The following TJP2 variants were observed in gnomAD, a reference collection of about 807,000 sequenced individuals.
TJP2 encodes Friedreich ataxia region gene X104 (tight junction protein ZO-2).
Under a neutral mutation model 133.1 loss-of-function variants are expected in TJP2, and 91 were observed. That is an observed-to-expected ratio of 0.68 (90% confidence interval 0.58 to 0.81). TJP2 has a LOEUF of 0.81. Ranked by LOEUF, TJP2 falls within the 40% of genes least tolerant of loss-of-function variation. TJP2 has a pLI of 0.00. For synonymous variants in TJP2, 592 were observed against 583.4 expected, an observed-to-expected ratio of 1.01 and a Z score of -0.21; for missense variants, 1,541 against 1,565.6, an observed-to-expected ratio of 0.98 and a Z score of 0.26.
chr9:69,243,078 G>T (rs761760534), intron 17 of TJP2, among the ~76,000 whole-genome samples: 40 of 152,018 alleles, frequency 2.6e-4, no homozygotes, highest in Non-Finnish European at 5.0e-4. Flanking sequence ...TGCCCAAGCT[G>T]GTCTCAAACC....
intron 1 of TJP2, among the ~76,000 whole-genome samples, chr9:69,208,709 A>G (rs2133180828): frequency 6.6e-6 from 1 of 152,304 alleles, no homozygotes; most frequent in Non-Finnish European, 1.5e-5. Context: ...GGGATATTCA[A>G]CATTTTTTTG....
chr9:69,205,118 C>T (rs1827293041), intron 1 of TJP2: 5 of 1,536,262 alleles, frequency 3.3e-6, no homozygotes, highest in African/African-American at 1.4e-5. Context: ...GGGTGAGCAG[C>T]CCGGAATGTA....
intron 1 of TJP2, among the ~76,000 whole-genome samples, chr9:69,129,407 AGGCTGAGGT>A (rs1822390196): frequency 6.6e-6 from 1 of 151,882 alleles, no homozygotes; most frequent in South Asian, 2.1e-4. Flanking sequence ...GCTACTCAGG[AGGCTGAGGT>A]GGGAGAATCC....
chr9:69,186,957 T>C (rs1028744552), intron 1 of TJP2, among the ~76,000 whole-genome samples: 1 of 152,210 alleles, frequency 6.6e-6, no homozygotes, highest in Non-Finnish European at 1.5e-5. Context: ...TAAATTTCTC[T>C]GTGGGCGTTT....
intron 1 of TJP2, among the ~76,000 whole-genome samples, chr9:69,139,328 G>C (rs976165440): frequency 6.6e-6 from 1 of 152,204 alleles, no homozygotes; most frequent in African/African-American, 2.4e-5. Context: ...CAGTTCCTCA[G>C]AATGTGCCTT....
chr9:69,251,394 T>G, intron 21 of TJP2, 30 bp downstream of exon 21: 3 of 1,598,398 alleles, frequency 1.9e-6, no homozygotes, highest in Admixed American at 3.3e-5. Context: ...ACATCATCAA[T>G]AAGAGTTTTA....
intron 16 of TJP2, 76 bp from the exon 17 acceptor site, chr9:69,239,861 A>C: frequency 8.6e-7 from 1 of 1,164,074 alleles, no homozygotes; most frequent in South Asian, 1.3e-5. Context: ...TACAGCCTTT[A>C]CTTATTAAAA....
At chr9:69,134,692 T>C (rs1822648217) in intron 1 of TJP2, among the ~76,000 whole-genome samples, 1 of 152,202 alleles carries the variant, frequency 6.6e-6, no homozygotes, top group Non-Finnish European at 1.5e-5. Flanking sequence ...GAAAGACCTG[T>C]CTGAGCTGGG....
chr9:69,216,417 G>A lies in TJP2; in HGVS notation c.193G>A (p.Val65Ile). Residue 65 changes from valine (V) to isoleucine (I), a missense_variant, in exon 3 of 23, where the codon GTC (valine) becomes ATC (isoleucine). Physicochemically the swap from Val to Ile is conservative, Grantham distance 29. Transcript: ENST00000377245. Reference protein sequence around the residue: ...PHFENGETSIVISDVLPGGPA... With the variant: ...PHFENGETSIIISDVLPGGPA... ...CTTTGAAAATGGAGAAACGTCAATT[G>A]TCATTTCTGATGTGCTCCCGGGTGG... 1 of 1,614,208 alleles carries A rather than the reference G, an allele frequency of 6.2e-7. No individual in the cohort carries two copies. The highest frequency in any genetic ancestry group is 8.5e-7 in the Non-Finnish European group (1 of 1,180,034).
In TJP2 at chr9:69,240,074, G is replaced by A. The variant is rs944668173; in HGVS notation, c.2493G>A (p.Thr831=). 42 of 1,613,808 alleles carry A rather than the reference G, an allele frequency of 2.6e-5. No homozygotes were observed. Among genetic ancestry groups the A allele is most frequent in the Admixed American group, 5.0e-5 (3 of 59,974 alleles). The change falls in exon 17 of 23, where the codon ACG becomes ACA. Residue 831 remains threonine, a synonymous_variant. Coordinates refer to ENST00000377245, the MANE Select transcript of TJP2 (RefSeq NM_004817.4). ...CCATGAGACAAAGGTTAAATCCAAC[G>A]TCCAACAAAAGTTCTCGAAAGTTAT... is the stretch of plus-strand genomic sequence containing the variant. ...VKTMRQRLNP[T]SNKSSRKLFD...
chr9:69,169,136 G>T (rs1392359707), intron 2 of TJP2, among the ~76,000 whole-genome samples: 1 of 152,118 alleles, frequency 6.6e-6, no homozygotes, highest in African/African-American at 2.4e-5. Context: ...CTCTGTAGTT[G>T]AGCAATTCTC....
rs1366218768 is a variant in TJP2 at position 69,229,241 on chromosome 9, C to T, written c.1511C>T (p.Ala504Val). 3 of 1,613,966 alleles carry T rather than the reference C, an allele frequency of 1.9e-6. No homozygotes were observed. The highest frequency in any genetic ancestry group is 2.5e-6 in the Non-Finnish European group (3 of 1,179,872). ...CTTCGTCCTAGTCCTGAAGATGAAG[C>T]AATATATGGGTATGTATTTCCGTCT... Reference protein sequence around the residue: ...TFLRPSPEDEAIYGPNTKMVR... With the variant: ...TFLRPSPEDEVIYGPNTKMVR... Residue 504 changes from alanine (A) to valine (V), a missense_variant, in exon 10 of 23, where the codon GCA (alanine) becomes GTA (valine). Coordinates refer to ENST00000377245, the MANE Select transcript of TJP2 (RefSeq NM_004817.4).
rs1824000589 is a variant in TJP2, at chr9:69,160,283, A to G, written c.-10+8512A>G. On this transcript the variant is annotated intron_variant, in intron 2 of 5. Coordinates refer to the TJP2 transcript ENST00000423935. Reference sequence around the variant, plus strand: ...ACAAAAACAAAAACAAAAAACAGAAACAAACAAAAACTTAGCTTATGACTT... The same window carrying G: ...ACAAAAACAAAAACAAAAAACAGAAGCAAACAAAAACTTAGCTTATGACTT... Among the ~76,000 whole-genome samples, 3 of 152,238 alleles carry G rather than the reference A, an allele frequency of 2.0e-5. No individual in the cohort carries two copies. The South Asian group carries it at 6.2e-4, about 32-fold the overall frequency.
In TJP2 at chr9:69,221,407, A is replaced by G. The variant is rs1828841248; in HGVS notation, c.863A>G (p.Glu288Gly). 1 of 1,582,150 alleles carries G rather than the reference A, an allele frequency of 6.3e-7. No homozygotes were observed. The highest frequency in any genetic ancestry group is 1.3e-5 in the African/African-American group (1 of 74,118). ...CGGGGACCCCGAAGCCGCAGCCGCGAGCACCCGCACTCACGGAGCCCCAGC... is the reference window on the plus strand; with the variant it reads ...CGGGGACCCCGAAGCCGCAGCCGCGGGCACCCGCACTCACGGAGCCCCAGC... ...RSRGPRSRSR[E>G]HPHSRSPSPE... The change falls in exon 5 of 23, where the codon GAG (glutamate) becomes GGG (glycine). Residue 288 changes from glutamate to glycine, a missense_variant. By Grantham distance (98) the Glu-to-Gly change is moderately conservative. Coordinates refer to ENST00000377245, the MANE Select transcript of TJP2 (RefSeq NM_004817.4).
Position 69,129,878 on chromosome 9 carries a change from G to A in TJP2, c.-131+8153G>A, listed in dbSNP as rs543562599. On this transcript the variant is annotated intron_variant, in intron 1 of 5. Coordinates refer to the TJP2 transcript ENST00000423935. ...CTAAAAATAAAAAAATTAGCTGGGC[G>A]TGGTGGCGTGCCTGTAATCCCAGCT... Among the ~76,000 whole-genome samples the A allele has an allele frequency of 4.6e-5, 7 of 152,024 alleles. No individual in the cohort carries two copies. In the South Asian group the frequency reaches 1.0e-3, roughly 23 times the overall value.
At chr9:69,153,779 G>A (rs1823603986) in intron 2 of TJP2, among the ~76,000 whole-genome samples, 1 of 152,168 alleles carries the variant, frequency 6.6e-6, no homozygotes, top group South Asian at 2.1e-4. Flanking sequence ...CCCTGTACCT[G>A]CACTATGAAC....
chr9:69,227,422 A>G (rs1382150205), intron 7 of TJP2, among the ~76,000 whole-genome samples: 3 of 152,234 alleles, frequency 2.0e-5, no homozygotes, highest in East Asian at 1.9e-4. Flanking sequence ...CAAGATTTGT[A>G]TGCACCTTAA....
chr9:69,218,606 C>T, intron 4 of TJP2: 2 of 507,102 alleles, frequency 3.9e-6, no homozygotes, highest in Non-Finnish European at 7.2e-6. Context: ...CCAAGTTAGG[C>T]AATTATTCCC....
chr9:69,229,053 G>A (rs1829564624), intron 9 of TJP2, 131 bp from the exon 10 acceptor site: 1 of 845,560 alleles, frequency 1.2e-6, no homozygotes, highest in East Asian at 2.4e-5. Flanking sequence ...CGGCACTTTA[G>A]AGACTTCTTT....
Sources: allele counts gnomAD v4.1 joint callset (sites outside exome capture counted in the v4.1 genomes callset), GRCh38; gene constraint gnomAD v4.1.1; transcripts MANE v1.5; gene names NCBI Gene and HGNC (gene_info 2026-07-23, HGNC 2026-07-21).